The following SLC5A11 variants were observed in gnomAD, a reference collection of about 807,000 sequenced individuals.
SLC5A11 encodes the protein solute carrier family 5 member 11.
In SLC5A11, 48 loss-of-function variants were observed where a neutral mutation model predicts 69.8. The observed-to-expected ratio is 0.69, with a 90% CI of 0.55 to 0.87. The LOEUF (loss-of-function observed/expected upper bound fraction) is 0.87. Ranked by LOEUF, SLC5A11 falls within the 40% of genes least tolerant of loss-of-function variation. The probability of loss-of-function intolerance (pLI) is 0.00; values close to 1 mark genes in which losing one functional copy is unlikely to be tolerated. For synonymous variants in SLC5A11, 319 were observed against 342.4 expected (o/e 0.93, Z 0.75); for missense variants, 784 against 866.1 (o/e 0.91, Z 1.19).
chr16:24,894,469 T>G (rs547658690), intron 9 of SLC5A11, among the ~76,000 whole-genome samples: 4 of 152,294 alleles, frequency 2.6e-5, no homozygotes, highest in African/African-American at 9.6e-5. Flanking sequence ...TTCATTCCTC[T>G]TAGCTCACTT....
intron 3 of SLC5A11, among the ~76,000 whole-genome samples, chr16:24,864,014 G>C (rs2046762475): frequency 6.6e-6 from 1 of 152,182 alleles, no homozygotes; most frequent in Admixed American, 6.5e-5. Flanking sequence ...CACATTTGTA[G>C]AAAAACAATC....
chr16:24,848,438 G>A (rs532108556), intron 1 of SLC5A11, among the ~76,000 whole-genome samples: 5 of 152,164 alleles, frequency 3.3e-5, no homozygotes, highest in South Asian at 2.1e-4. Context: ...GCAAGACCCC[G>A]TCTCTACAAA....
intron 5 of SLC5A11, among the ~76,000 whole-genome samples, chr16:24,875,330 G>A (rs274072): frequency 0.14 from 21,111 of 152,064 alleles, 1,928 homozygotes; most frequent in Non-Finnish European, 0.2. Context: ...GACTACAGGC[G>A]CCTGTCACCA....
At chr16:24,898,421 G>A (rs567690329) in intron 10 of SLC5A11, among the ~76,000 whole-genome samples, 321 of 152,044 alleles carry the variant, frequency 2.1e-3, no homozygotes, top group Non-Finnish European at 2.5e-3. Context: ...TGTTGCTCAG[G>A]CTGGTCTTGA....
chr16:24,879,294 G>T, intron 7 of SLC5A11, among the ~76,000 whole-genome samples: 1 of 152,172 alleles, frequency 6.6e-6, no homozygotes, highest in African/African-American at 2.4e-5. Flanking sequence ...TCTGGGGTAC[G>T]AATGGATCCA....
At chr16:24,911,130 CT>C (rs2050487685) in intron 15 of SLC5A11, among the ~76,000 whole-genome samples, 197 bp from the exon 17 acceptor site, 1 of 145,408 alleles carries the variant, frequency 6.9e-6, no homozygotes, top group Admixed American at 7.0e-5. Context: ...GATCACGCCA[CT>C]GCACTCCAGC....
intron 14 of SLC5A11, among the ~76,000 whole-genome samples, chr16:24,909,713 C>A (rs1256218728): frequency 1.3e-5 from 2 of 148,356 alleles, no homozygotes; most frequent in African/African-American, 2.5e-5. Flanking sequence ...CCTGTAATCC[C>A]AGCTGCTAGG....
intron 10 of SLC5A11, among the ~76,000 whole-genome samples, chr16:24,905,636 G>GCA (rs1223989800): frequency 1.1e-3 from 89 of 78,280 alleles, no homozygotes; most frequent in African/African-American, 3.8e-3. Context: ...ACACGCGCGC[G>GCA]CGCGCACACA....
At chr16:24,858,594 T>C (rs766577382) in intron 1 of SLC5A11, 26 bp from the exon 3 acceptor site, 25 of 1,569,600 alleles carry the variant, frequency 1.6e-5, no homozygotes, top group Non-Finnish European at 2.1e-5. Flanking sequence ...GGATCTGGCA[T>C]TTGACTGGCA....
At chr16:24,858,424 T>C (rs1389597257) in intron 1 of SLC5A11, among the ~76,000 whole-genome samples, 196 bp from the exon 3 acceptor site, 1 of 142,866 alleles carries the variant, frequency 7.0e-6, no homozygotes, top group African/African-American at 2.8e-5. Context: ...ATTATGAATA[T>C]GTGTTGAATG....
chr16:24,877,891 G>A (rs1171357545), intron 7 of SLC5A11, among the ~76,000 whole-genome samples: 1 of 152,238 alleles, frequency 6.6e-6, no homozygotes, highest in Non-Finnish European at 1.5e-5. Context: ...GGCCGAGGCA[G>A]GAGAATCACT....
At chr16:24,890,959 T>C in exon 9 of SLC5A11, 1 of 1,614,190 alleles carries the variant, frequency 6.2e-7, no homozygotes, top group Non-Finnish European at 8.5e-7. Flanking sequence ...AGCTGCGGGC[T>C]GCCCCGGGAA....
intron 15 of SLC5A11, 55 bp downstream of exon 16, chr16:24,910,532 G>A: frequency 7.3e-7 from 1 of 1,375,180 alleles, no homozygotes; most frequent in South Asian, 1.4e-5. Context: ...TAAAGGGATT[G>A]ATTTTTTTTT....
At chr16:24,901,086 G>A (rs951708285) in intron 10 of SLC5A11, among the ~76,000 whole-genome samples, 1 of 152,130 alleles carries the variant, frequency 6.6e-6, no homozygotes, top group East Asian at 1.9e-4. Flanking sequence ...CCGCTTATGA[G>A]GTGTTTGAAC....
chr16:24,851,158 G>A (rs2059287847), intron 1 of SLC5A11, among the ~76,000 whole-genome samples: 1 of 151,578 alleles, frequency 6.6e-6, no homozygotes, highest in Admixed American at 6.6e-5. Context: ...TAGAGATAGG[G>A]TCTCACTCTG....
exon 7 of SLC5A11, chr16:24,877,350 A>G: frequency 6.2e-7 from 1 of 1,613,630 alleles, no homozygotes; most frequent in South Asian, 1.1e-5. Context: ...TCACTGCTGT[A>G]TACACGGTTG....
intron 12 of SLC5A11, among the ~76,000 whole-genome samples, chr16:24,907,609 G>A (rs1335553351): frequency 6.6e-6 from 1 of 152,018 alleles, no homozygotes; most frequent in Non-Finnish European, 1.5e-5. Flanking sequence ...TCAGGTGGCT[G>A]AGGCAGGAGA....
In SLC5A11 at chr16:24,884,146, C is replaced by T. The variant is rs2048238418; in HGVS notation, c.664+15C>T. On this transcript the variant is annotated intron_variant, in intron 8 of 15. Transcript: ENST00000347898. ...GATGGGCTACAGTAAGTGGGGTCCC[C>T]GGGTCACTGGGGCGGACAACAGCAC... 7 of 1,613,262 alleles carry T rather than the reference C, an allele frequency of 4.3e-6. No individual in the cohort carries two copies. The highest frequency in any genetic ancestry group is 1.3e-5 in the African/African-American group (1 of 75,040).
chr16:24,908,030 G>C (rs1015585735), exon 13 of SLC5A11: 7 of 1,613,620 alleles, frequency 4.3e-6, no homozygotes. Flanking sequence ...CAGCCAGGGC[G>C]GCCAGCTCTT....
Sources: gnomAD v4.1 joint callset for allele counts (sites outside exome capture counted in the v4.1 genomes callset) on GRCh38, gnomAD v4.1.1 for gene constraint, MANE v1.5 for transcripts, NCBI Gene and HGNC (gene_info 2026-07-23, HGNC 2026-07-21) for gene names.